Variants in C10orf90 observed in about 807,000 individuals in gnomAD.
C10orf90 encodes chromosome 10 open reading frame 90, also known as (E2-independent) E3 ubiquitin-conjugating enzyme FATS.
In C10orf90, 56 loss-of-function variants were observed where a neutral mutation model predicts 62.5. The ratio of observed to expected loss-of-function variants is 0.90; its 90% CI spans 0.72 to 1.12. C10orf90 has a LOEUF of 1.12. C10orf90 is among the 50% of genes most tolerant of loss of function. The pLI is 0.00. For missense variants in C10orf90, 970 were observed against 880.4 expected (o/e 1.10, Z -1.29); for synonymous variants, 386 against 340.4 (o/e 1.13, Z -1.47).
intron 4 of C10orf90, among the ~76,000 whole-genome samples, chr10:126,467,073 T>A (rs1442076017): frequency 6.6e-6 from 1 of 152,246 alleles, no homozygotes; most frequent in African/African-American, 2.4e-5. Flanking sequence ...TATGATTTTT[T>A]AAATTAATGT....
intron 1 of C10orf90, among the ~76,000 whole-genome samples, chr10:126,657,716 A>G (rs1219001289): frequency 6.6e-6 from 1 of 151,726 alleles, no homozygotes; most frequent in East Asian, 1.9e-4. Flanking sequence ...CCTGGGTTCA[A>G]ATGATTCTCC....
At chr10:126,574,769 G>A (rs1844576508) in intron 2 of C10orf90, among the ~76,000 whole-genome samples, 1 of 152,006 alleles carries the variant, frequency 6.6e-6, no homozygotes, top group African/African-American at 2.4e-5. Flanking sequence ...AAAAATAGGA[G>A]GGAACTTCCT....
rs577369735 is a variant in C10orf90, at chr10:126,647,442, C to T, written c.241-805G>A. Among the ~76,000 whole-genome samples the T allele has an allele frequency of 3.5e-4, 53 of 152,304 alleles. 2 individuals carry two copies. Among genetic ancestry groups the T allele is most frequent in the African/African-American group, 1.1e-3 (44 of 41,574 alleles). ...AAGCTGAGTTAAACTTTTTGGTGTT[C>T]GGTTCCCATTATCGGCCCCTTCTCA... is the stretch of plus-strand genomic sequence containing the variant. On this transcript the variant is annotated intron_variant, in intron 1 of 9. Transcript: ENST00000488181.
At chr10:126,496,697 T>C in intron 4 of C10orf90, 1 of 985,406 alleles carries the variant, frequency 1.0e-6, no homozygotes, top group Non-Finnish European at 1.2e-6. Flanking sequence ...CACCCTTTCC[T>C]TGCCAGAGAG....
chr10:126,594,066 C>A (rs1170363003), intron 2 of C10orf90, among the ~76,000 whole-genome samples: 1 of 149,872 alleles, frequency 6.7e-6, no homozygotes, highest in African/African-American at 2.5e-5. Flanking sequence ...CATGTGTCCC[C>A]TGATAATCAC....
chr10:126,427,594 C>T (rs1236342342), intron 8 of C10orf90, among the ~76,000 whole-genome samples: 1 of 152,170 alleles, frequency 6.6e-6, no homozygotes, highest in East Asian at 1.9e-4. Flanking sequence ...GCAGGATAAC[C>T]TTGCTTGCTG....
At chr10:126,479,815 A>G (rs1304572769) in intron 4 of C10orf90, among the ~76,000 whole-genome samples, 1 of 152,242 alleles carries the variant, frequency 6.6e-6, no homozygotes, top group African/African-American at 2.4e-5. Flanking sequence ...AACATAAACA[A>G]AAAGGAACCA....
intron 7 of C10orf90, among the ~76,000 whole-genome samples, chr10:126,455,846 C>T (rs955646394): frequency 2.6e-5 from 4 of 152,198 alleles, no homozygotes; most frequent in Non-Finnish European, 5.9e-5. Flanking sequence ...CAAAGGTGCT[C>T]AGAATTCACT....
intron 2 of C10orf90, among the ~76,000 whole-genome samples, chr10:126,537,499 C>T (rs990176994): frequency 3.1e-4 from 47 of 152,256 alleles, no homozygotes; most frequent in African/African-American, 9.6e-4. Flanking sequence ...AAGAGCTGCC[C>T]GGGGAGTCCT....
intron 2 of C10orf90, among the ~76,000 whole-genome samples, chr10:126,518,838 C>A (rs1030895203): frequency 3.3e-5 from 5 of 152,138 alleles, no homozygotes; most frequent in Admixed American, 3.3e-4. Context: ...ACTACAACCA[C>A]CATGACTGAA....
At chr10:126,495,568 G>A (rs889882915) in intron 4 of C10orf90, among the ~76,000 whole-genome samples, 1 of 152,158 alleles carries the variant, frequency 6.6e-6, no homozygotes, top group Non-Finnish European at 1.5e-5. Context: ...TGACAACATC[G>A]TTTAAGAAGA....
chr10:126,616,241 A>G (rs1396214674), intron 2 of C10orf90, among the ~76,000 whole-genome samples: 2 of 152,188 alleles, frequency 1.3e-5, no homozygotes, highest in East Asian at 3.8e-4. Flanking sequence ...TTTATTGAAC[A>G]TAATAATCAA....
At chr10:126,618,330 C>T (rs995113568) in intron 2 of C10orf90, among the ~76,000 whole-genome samples, 1 of 152,140 alleles carries the variant, frequency 6.6e-6, no homozygotes, top group Non-Finnish European at 1.5e-5. Context: ...TCTGGCTTTG[C>T]CCCTGACATT....
intron 1 of C10orf90, among the ~76,000 whole-genome samples, chr10:126,653,238 C>G (rs1393208794): frequency 1.3e-5 from 2 of 152,186 alleles, no homozygotes; most frequent in African/African-American, 4.8e-5. Context: ...TCAATTGACT[C>G]TTCCTTTCAC....
chr10:126,516,978 G>C (rs1013362810), intron 2 of C10orf90, among the ~76,000 whole-genome samples: 3 of 151,996 alleles, frequency 2.0e-5, no homozygotes, highest in Non-Finnish European at 4.4e-5. Flanking sequence ...GATTAGATTG[G>C]GCCCACCTGG....
chr10:126,451,684 C>T (rs775470010), intron 7 of C10orf90, among the ~76,000 whole-genome samples: 2 of 148,160 alleles, frequency 1.3e-5, no homozygotes, highest in African/African-American at 2.5e-5. Flanking sequence ...CACAATTTCT[C>T]ATAGTCTATT....
At chr10:126,471,950 C>T (rs937229487) in intron 4 of C10orf90, among the ~76,000 whole-genome samples, 2 of 152,152 alleles carry the variant, frequency 1.3e-5, no homozygotes, top group Admixed American at 6.5e-5. Context: ...CACGTGCACA[C>T]ACTCATGCCC....
At chr10:126,479,696 G>C (rs964257677) in intron 4 of C10orf90, among the ~76,000 whole-genome samples, 1 of 152,166 alleles carries the variant, frequency 6.6e-6, no homozygotes, top group Non-Finnish European at 1.5e-5. Flanking sequence ...TCCCATTAAG[G>C]CTAATGGAAG....
At chr10:126,483,171 G>A (rs1360196299) in intron 4 of C10orf90, among the ~76,000 whole-genome samples, 2 of 152,242 alleles carry the variant, frequency 1.3e-5, no homozygotes, top group Non-Finnish European at 2.9e-5. Flanking sequence ...AGCAGATTCT[G>A]AACCAGGCAG....
Sources: allele counts gnomAD v4.1 joint callset (sites outside exome capture counted in the v4.1 genomes callset), GRCh38; gene constraint gnomAD v4.1.1; transcripts MANE v1.5; gene names NCBI Gene and HGNC (gene_info 2026-07-23, HGNC 2026-07-21).